ST8SIA5: variants seen among roughly 807,000 people sequenced by gnomAD.
ST8SIA5 encodes alpha-2,8-sialyltransferase 8E.
In ST8SIA5, 24 loss-of-function variants were observed where a neutral mutation model predicts 40.2. The ratio of observed to expected loss-of-function variants is 0.60; its 90% CI spans 0.43 to 0.84. The LOEUF (loss-of-function observed/expected upper bound fraction) is 0.84, where lower values mean the gene tolerates loss of function less well. Ranked by LOEUF, ST8SIA5 falls within the 40% of genes least tolerant of loss-of-function variation. The pLI, the probability that ST8SIA5 is intolerant of heterozygous loss-of-function variation, is 0.00. For missense variants in ST8SIA5, 465 were observed against 498.5 expected (o/e 0.93, Z 0.64); for synonymous variants, 198 against 201.8 (o/e 0.98, Z 0.16).
intron 4 of ST8SIA5, among the ~76,000 whole-genome samples, chr18:46,688,225 A>G (rs147016924): frequency 6.6e-6 from 1 of 152,192 alleles, no homozygotes; most frequent in South Asian, 2.1e-4. Context: ...ATAAATATCT[A>G]TCTTGATTAA....
Position 46,675,391 on chromosome 18 carries a change from C to T in ST8SIA5, c.*4651G>A, listed in dbSNP as rs1216774532. Reference sequence around the variant, plus strand: ...GGCTTCTGGAGCTCCCTCAATTTCACACAGCTACGAAGTAGTAGGAGGAGA... The same window carrying T: ...GGCTTCTGGAGCTCCCTCAATTTCATACAGCTACGAAGTAGTAGGAGGAGA... On this transcript the variant is annotated 3_prime_UTR_variant, in exon 7 of 7. Coordinates refer to ENST00000315087, the MANE Select transcript of ST8SIA5 (RefSeq NM_013305.6). 6.6e-6 allele frequency: 1 copy of T among 152,192 alleles called. No homozygotes were observed. Among genetic ancestry groups the T allele is most frequent in the Non-Finnish European group, 1.5e-5 (1 of 68,038 alleles). 9.4% of individuals were successfully genotyped at this position (152,192 alleles called of 1,614,324 possible).
intron 1 of ST8SIA5, among the ~76,000 whole-genome samples, chr18:46,710,604 G>C (rs2039722180): frequency 7.0e-6 from 1 of 143,736 alleles, no homozygotes; most frequent in African/African-American, 2.6e-5. Flanking sequence ...GCAGTGGCAT[G>C]ATCTCGGCTC....
intron 1 of ST8SIA5, among the ~76,000 whole-genome samples, chr18:46,733,808 G>A (rs1048941954): frequency 2.0e-5 from 3 of 152,160 alleles, no homozygotes; most frequent in Admixed American, 6.5e-5. Flanking sequence ...GGGGCCAAGT[G>A]AGCCAGGGGC....
At chr18:46,691,443 G>C (rs2039504390) in intron 3 of ST8SIA5, 1 of 152,188 alleles carries the variant, frequency 6.6e-6, no homozygotes. Context: ...CCTGAGTGCT[G>C]AAATCCAGTA....
At chr18:46,681,832 TAA>T (rs955718443) in intron 6 of ST8SIA5, 138 bp downstream of exon 6, 5 of 728,756 alleles carry the variant, frequency 6.9e-6, no homozygotes, top group African/African-American at 3.6e-5. Flanking sequence ...GTTTTTGTAT[TAA>T]GTCTTTGAAA....
chr18:46,734,016 A>C (rs2040009918), intron 1 of ST8SIA5, among the ~76,000 whole-genome samples: 1 of 151,632 alleles, frequency 6.6e-6, no homozygotes, highest in African/African-American at 2.4e-5. Flanking sequence ...CCCTTCCCCC[A>C]CCTACCTCCC....
chr18:46,719,355 A>G (rs1299946784), intron 1 of ST8SIA5, among the ~76,000 whole-genome samples: 1 of 152,114 alleles, frequency 6.6e-6, no homozygotes, highest in Non-Finnish European at 1.5e-5. Flanking sequence ...AAGAGGAGTG[A>G]GAAAGGGAGT....
intron 1 of ST8SIA5, among the ~76,000 whole-genome samples, chr18:46,710,489 TC>T (rs199972347): frequency 2.1e-5 from 3 of 140,402 alleles, no homozygotes; most frequent in Non-Finnish European, 1.5e-5. Flanking sequence ...CCCTTCCCCT[TC>T]CCCTTCCCTT....
intron 1 of ST8SIA5, among the ~76,000 whole-genome samples, chr18:46,719,704 T>TTCTTTCTTTCTC (rs760988683): frequency 2.8e-5 from 4 of 143,990 alleles, no homozygotes; most frequent in South Asian, 2.3e-4. Flanking sequence ...CTTTCTTTCT[T>TTCTTTCTTTCTC]TCTCTCTTTC....
intron 1 of ST8SIA5, among the ~76,000 whole-genome samples, chr18:46,751,200 G>A (rs570136362): frequency 6.6e-6 from 1 of 152,034 alleles, no homozygotes; most frequent in South Asian, 2.1e-4. Context: ...GACAACTCTA[G>A]GTCTCTCATA....
At chr18:46,718,017 T>C (rs922953999) in intron 1 of ST8SIA5, among the ~76,000 whole-genome samples, 2 of 152,198 alleles carry the variant, frequency 1.3e-5, no homozygotes, top group African/African-American at 4.8e-5. Flanking sequence ...CCCACTTAAA[T>C]AGAAATATTT....
At chr18:46,746,036 T>A (rs2040136384) in intron 1 of ST8SIA5, among the ~76,000 whole-genome samples, 1 of 152,188 alleles carries the variant, frequency 6.6e-6, no homozygotes, top group South Asian at 2.1e-4. Context: ...CTAAAAACTC[T>A]CAATAAACTA....
intron 2 of ST8SIA5, among the ~76,000 whole-genome samples, chr18:46,695,016 G>A (rs553336410): frequency 6.6e-5 from 10 of 151,942 alleles, no homozygotes; most frequent in Middle Eastern, 3.2e-3. Flanking sequence ...AAAATTAGCC[G>A]GGCATGGCAG....
chr18:46,733,872 T>C (rs1452380015), intron 1 of ST8SIA5, among the ~76,000 whole-genome samples: 1 of 152,136 alleles, frequency 6.6e-6, no homozygotes, highest in Non-Finnish European at 1.5e-5. Flanking sequence ...ACTGCCTTTC[T>C]GGGGTCCCTC....
At chr18:46,701,852 TA>T (rs1217814901) in intron 2 of ST8SIA5, among the ~76,000 whole-genome samples, 6 of 152,106 alleles carry the variant, frequency 3.9e-5, no homozygotes, top group Admixed American at 2.6e-4. Flanking sequence ...TTTTATAATT[TA>T]AAAAAATTAG....
At chr18:46,695,029 C>T (rs1027872110) in intron 2 of ST8SIA5, among the ~76,000 whole-genome samples, 4 of 151,904 alleles carry the variant, frequency 2.6e-5, no homozygotes, top group East Asian at 1.9e-4. Context: ...CATGGCAGTG[C>T]GTGCCTGTAA....
At position 46,680,285 on chromosome 18, in the gene ST8SIA5, G is replaced by A. The variant is rs2039376975; in HGVS notation, c.888C>T (p.Ala296=). The A allele has an allele frequency of 6.2e-7, 1 of 1,614,122 alleles. No individual in the cohort carries two copies. The highest frequency in any genetic ancestry group is 1.7e-5 in the Admixed American group (1 of 60,014). Residue 296 remains alanine, a synonymous_variant, in exon 7 of 7, where the codon GCC becomes GCT. Coordinates refer to ENST00000315087, the MANE Select transcript of ST8SIA5 (RefSeq NM_013305.6). ...GAATGAGGCCGGTGCTGATGCGCTT[G>A]GCGCGCACCCCCAGGCTGAGCCAGT... ...SRYWLSLGVR[A]KRISTGLILV...
At chr18:46,707,434 A>C (rs1472672863) in intron 1 of ST8SIA5, among the ~76,000 whole-genome samples, 1 of 152,124 alleles carries the variant, frequency 6.6e-6, no homozygotes, top group African/African-American at 2.4e-5. Flanking sequence ...CCTCCTCTTC[A>C]ATCAGCCAGC....
intron 6 of ST8SIA5, among the ~76,000 whole-genome samples, chr18:46,681,134 C>T (rs1402274955): frequency 6.6e-6 from 1 of 151,960 alleles, no homozygotes; most frequent in Non-Finnish European, 1.5e-5. Context: ...ACAACACTTG[C>T]CTATTTTTTT....
Sources: gnomAD v4.1 joint callset for allele counts (sites outside exome capture counted in the v4.1 genomes callset) on GRCh38, gnomAD v4.1.1 for gene constraint, MANE v1.5 for transcripts, NCBI Gene and HGNC (gene_info 2026-07-23, HGNC 2026-07-21) for gene names.